The following DEFB1 variants were observed in gnomAD, a reference collection of about 807,000 sequenced individuals.
The protein encoded by DEFB1 is beta-defensin 1.
In DEFB1, 4 loss-of-function variants were observed where a neutral mutation model predicts 2.6. That is an observed-to-expected ratio of 1.53 (90% CI 0.76 to 3.51). The LOEUF (loss-of-function observed/expected upper bound fraction) is 3.51, where lower values mean the gene tolerates loss of function less well. DEFB1 is among the 30% of genes most tolerant of loss of function. The pLI is 0.01. For synonymous variants in DEFB1, 56 were observed against 28.5 expected, an observed-to-expected ratio of 1.96 and a Z score of -3.07; for missense variants, 162 against 76.9, an observed-to-expected ratio of 2.11 and a Z score of -4.14.
intron 1 of DEFB1, among the ~76,000 whole-genome samples, chr8:6,876,196 G>A (rs1367071661): frequency 6.6e-6 from 1 of 152,120 alleles, no homozygotes; most frequent in African/African-American, 2.4e-5. Flanking sequence ...AAAAACATGG[G>A]CTGGGCGTGG....
chr8:6,871,457 G>T (rs1049422313), intron 1 of DEFB1, among the ~76,000 whole-genome samples: 1 of 152,000 alleles, frequency 6.6e-6, no homozygotes, highest in South Asian at 2.1e-4. Flanking sequence ...TCTATTCCAT[G>T]CAACAGGGAA....
chr8:6,876,129 A>G (rs1440087806), intron 1 of DEFB1, among the ~76,000 whole-genome samples: 2 of 152,196 alleles, frequency 1.3e-5, no homozygotes, highest in Non-Finnish European at 2.9e-5. Flanking sequence ...TATGGGTGTA[A>G]TTAAATAGCA....
intron 1 of DEFB1, among the ~76,000 whole-genome samples, chr8:6,874,144 C>T (rs1252821369): frequency 1.6e-5 from 1 of 61,470 alleles, no homozygotes; most frequent in South Asian, 6.5e-4. Flanking sequence ...CACACACACA[C>T]ACGCACACAC....
At chr8:6,872,285 A>C (rs1302460727) in intron 1 of DEFB1, among the ~76,000 whole-genome samples, 1 of 152,194 alleles carries the variant, frequency 6.6e-6, no homozygotes. Flanking sequence ...ACCATCCAAT[A>C]TGGCAGCCAC....
chr8:6,872,328 T>A (rs755607081), intron 1 of DEFB1, among the ~76,000 whole-genome samples: 6 of 152,256 alleles, frequency 3.9e-5, no homozygotes, highest in Non-Finnish European at 8.8e-5. Flanking sequence ...TTTAGGTTAA[T>A]TGAAATCACC....
intron 1 of DEFB1, among the ~76,000 whole-genome samples, chr8:6,877,406 G>A (rs1177427960): frequency 6.6e-6 from 1 of 152,248 alleles, no homozygotes; most frequent in Non-Finnish European, 1.5e-5. Flanking sequence ...CACCCCAGGA[G>A]GCTGCACCCA....
chr8:6,872,023 C>G (rs1806339857), intron 1 of DEFB1, among the ~76,000 whole-genome samples: 1 of 152,190 alleles, frequency 6.6e-6, no homozygotes, highest in Admixed American at 6.5e-5. Flanking sequence ...ATTGTCTCAT[C>G]AGTAACTTCC....
intron 1 of DEFB1, among the ~76,000 whole-genome samples, chr8:6,874,850 C>T (rs1377228992): frequency 1.3e-5 from 2 of 151,904 alleles, no homozygotes; most frequent in African/African-American, 4.8e-5. Context: ...GGTGTGGTGA[C>T]AGGCGCCTGT....
rs61101914 is a variant in DEFB1 at position 6,875,064 on chromosome 8, CCACACACACACACACACA to C, written c.61+2715_61+2732del. ...ACTTGACCGTTACTTCATACCGAAGCCACACACACACACACACACACACACACACACACACACACACAC... is the reference window on the plus strand; with the variant it reads ...ACTTGACCGTTACTTCATACCGAAGCCACACACACACACACACACACACAC... On this transcript the variant is annotated intron_variant, in intron 1 of 1. Coordinates refer to ENST00000297439, the MANE Select transcript of DEFB1 (RefSeq NM_005218.4). 1.7e-3 allele frequency among the ~76,000 whole-genome samples: 226 copies of C among 135,724 alleles called. 2 individuals carry two copies. The highest frequency in any genetic ancestry group is 5.5e-3 in the African/African-American group (193 of 35,400). The allele number at this position is 135,724 out of a possible 152,430, so 89.0% of individuals were successfully genotyped here.
chr8:6,874,859 G>C, intron 1 of DEFB1, among the ~76,000 whole-genome samples: 1 of 152,026 alleles, frequency 6.6e-6, no homozygotes. Context: ...ACAGGCGCCT[G>C]TAATCCCAGC....
chr8:6,870,876 C>A (rs576362026), intron 1 of DEFB1, 50 bp from the exon 2 acceptor site: 5 of 1,557,476 alleles, frequency 3.2e-6, no homozygotes, highest in Middle Eastern at 1.8e-4. Context: ...GTAGCTGCAA[C>A]GATTTGAGAA....
In DEFB1 at chr8:6,877,664, A is replaced by G. The variant is rs75049583; in HGVS notation, c.61+133T>C. ...TGCTGCCTTCTGCCAACTGCAGGCC[A>G]CTCAACCACGGGATGCTTTCCTGCT... On this transcript the variant is annotated intron_variant, in intron 1 of 1. Transcript: ENST00000297439. The G allele has an allele frequency of 2.3e-3, 1,808 of 783,348 alleles. 32 individuals carry two copies. In the African/African-American group the frequency reaches 0.027, roughly 12 times the overall value. The allele number at this position is 783,348 out of a possible 1,614,324, so 48.5% of individuals were successfully genotyped here. A position where few individuals can be genotyped will look rare whatever the true frequency, so the allele number is the denominator to read the frequency against.
At chr8:6,875,046 C>G (rs1254530099) in intron 1 of DEFB1, among the ~76,000 whole-genome samples, 1 of 139,130 alleles carries the variant, frequency 7.2e-6, no homozygotes, top group Admixed American at 7.3e-5. Flanking sequence ...GTAACTTGAC[C>G]GTTACTTCAT....
At chr8:6,873,155 C>A in intron 1 of DEFB1, among the ~76,000 whole-genome samples, 1 of 152,174 alleles carries the variant, frequency 6.6e-6, no homozygotes, top group East Asian at 1.9e-4. Flanking sequence ...TCAATTAATT[C>A]AACCTTTCTG....
chr8:6,872,221 C>T (rs1286103138), intron 1 of DEFB1, among the ~76,000 whole-genome samples: 9 of 151,870 alleles, frequency 5.9e-5, no homozygotes, highest in African/African-American at 1.2e-4. Context: ...CAATGTGTTC[C>T]GCCAACCAAG....
rs1800957 is a variant in DEFB1, at chr8:6,870,807, G to T, written c.81C>A (p.Gly27=). 1.9e-6 allele frequency: 3 copies of T among 1,613,462 alleles called. No individual in the cohort carries two copies. The highest frequency in any genetic ancestry group is 1.3e-5 in the African/African-American group (1 of 75,000). The change falls in exon 2 of 2, where the codon GGC becomes GGA. Residue 27 remains glycine, a synonymous_variant. Transcript: ENST00000297439. ...TGTAATGATCAGATCTGTGGCCAAG[G>T]CCTGTGAGAAAGTTACCACCTGTAA... ...EMASGGNFLT[G]LGHRSDHYNC...
chr8:6,877,799 G>C lies in DEFB1; in HGVS notation c.59C>G (p.Ser20Ter). The change falls in exon 1 of 2, where the codon TCA (serine) becomes TGA (stop). Residue 20 changes from serine (S) to a stop codon, truncating the protein, a stop_gained and splice_region_variant. Transcript: ENST00000297439. LOFTEE classifies it low-confidence loss of function (END_TRUNC). ...CTCTTGCAGGTACCAGAGCTTACCT[G>C]AGGCCATCTCAGACAAAAGTAAGCA... is the stretch of plus-strand genomic sequence containing the variant. ...TLCLLLSEMASGGNFLTGLGH... is the reference protein window; with the variant it reads ...TLCLLLSEMA 1 of 1,613,882 alleles carries C rather than the reference G, an allele frequency of 6.2e-7. No homozygotes were observed. The highest frequency in any genetic ancestry group is 1.1e-5 in the South Asian group (1 of 91,066).
chr8:6,875,089 C>A (rs1244031472), intron 1 of DEFB1, among the ~76,000 whole-genome samples: 1 of 151,656 alleles, frequency 6.6e-6, no homozygotes, highest in Admixed American at 6.6e-5. Context: ...CACACACACA[C>A]ACACACACAC....
chr8:6,877,731 G>T, intron 1 of DEFB1, 66 bp downstream of exon 1: 2 of 1,424,146 alleles, frequency 1.4e-6, no homozygotes, highest in Non-Finnish European at 2.0e-6. Context: ...AGCCATCCGA[G>T]ACTCACATCA....
Sources: gnomAD v4.1 joint callset for allele counts (sites outside exome capture counted in the v4.1 genomes callset) on GRCh38, gnomAD v4.1.1 for gene constraint, MANE v1.5 for transcripts, NCBI Gene and HGNC (gene_info 2026-07-23, HGNC 2026-07-21) for gene names.